The following ANKH variants were observed in gnomAD, a reference collection of about 807,000 sequenced individuals.
The protein encoded by ANKH is ANKH inorganic pyrophosphate transport regulator, also known as mineralization regulator ANKH.
ANKH carries 15 observed loss-of-function variants against 49.0 expected under a neutral mutation model. The ratio of observed to expected loss-of-function variants is 0.31; its 90% CI spans 0.20 to 0.47. The LOEUF (loss-of-function observed/expected upper bound fraction) is 0.47, where lower values mean the gene tolerates loss of function less well. Ranked by LOEUF, ANKH falls within the 20% of genes least tolerant of loss-of-function variation. The pLI is 1.00. For missense variants in ANKH, 429 were observed against 652.0 expected (o/e 0.66, Z 3.72); for synonymous variants, 273 against 260.0 (o/e 1.05, Z -0.48).
chr5:14,758,306 A>G (rs1315803033), intron 3 of ANKH, among the ~76,000 whole-genome samples, 174 bp downstream of exon 3: 1 of 152,212 alleles, frequency 6.6e-6, no homozygotes, highest in Non-Finnish European at 1.5e-5. Context: ...ATTAGGATAG[A>G]ATCTCAGTTT....
intron 1 of ANKH, among the ~76,000 whole-genome samples, chr5:14,808,902 T>C (rs13362490): frequency 0.063 from 6,440 of 102,004 alleles, 166 homozygotes; most frequent in African/African-American, 0.092. Context: ...TATTGCGGCA[T>C]TATTCACAAT....
intron 1 of ANKH, among the ~76,000 whole-genome samples, chr5:14,814,079 T>A (rs1260899984): frequency 1.3e-5 from 2 of 152,216 alleles, no homozygotes; most frequent in Non-Finnish European, 2.9e-5. Flanking sequence ...GATGCTAACA[T>A]CCTCGAGACA....
intron 8 of ANKH, among the ~76,000 whole-genome samples, chr5:14,736,006 CTTTTTTTTTTTTTTT>C (rs540010631): frequency 0.14 from 12,004 of 84,132 alleles, 963 homozygotes; most frequent in Middle Eastern, 0.2. Context: ...AAAAACCTAA[CTTTTTTTTTTTTTTT>C]TTTTTTTTTT....
intron 1 of ANKH, among the ~76,000 whole-genome samples, chr5:14,833,521 C>T (rs148447143): frequency 2.6e-5 from 4 of 152,218 alleles, no homozygotes; most frequent in Non-Finnish European, 4.4e-5. Flanking sequence ...GCTCCTCCCC[C>T]AGTCTGGGTA....
chr5:14,719,213 A>G (rs180931227), intron 8 of ANKH, among the ~76,000 whole-genome samples: 10 of 152,364 alleles, frequency 6.6e-5, no homozygotes, highest in East Asian at 5.8e-4. Flanking sequence ...ACAAGGAGCA[A>G]TAAGTTTTGA....
intron 1 of ANKH, among the ~76,000 whole-genome samples, chr5:14,835,625 GT>G (rs1741629907): frequency 1.3e-5 from 2 of 152,096 alleles, no homozygotes; most frequent in Admixed American, 1.3e-4. Flanking sequence ...CACTTTTCCT[GT>G]TTGTCTTTCT....
At chr5:14,733,222 G>A (rs1294406570) in intron 8 of ANKH, among the ~76,000 whole-genome samples, 3 of 152,186 alleles carry the variant, frequency 2.0e-5, no homozygotes, top group East Asian at 1.9e-4. Flanking sequence ...TCTTGGCAGC[G>A]CTTTGTGGTT....
In ANKH at chr5:14,716,992, C is replaced by A. The variant is rs114499196; in HGVS notation, c.1012-157G>T. 2.7e-3 allele frequency: 2,340 copies of A among 867,150 alleles called. 41 individuals carry two copies. The African/African-American group carries it at 0.034, about 13-fold the overall frequency. The allele number at this position is 867,150 out of a possible 1,614,324, so 53.7% of individuals were successfully genotyped here. A position where few individuals can be genotyped will look rare whatever the true frequency, so the allele number is the denominator to read the frequency against. On this transcript the variant is annotated intron_variant, in intron 8 of 11. Transcript: ENST00000284268. ...TGGTCCCAGATCTGCCACCTGCTTG[C>A]TTGACTCTCTTCTGACCACAGAGGC...
intron 2 of ANKH, among the ~76,000 whole-genome samples, chr5:14,762,315 C>T (rs912216594): frequency 5.9e-5 from 9 of 152,180 alleles, no homozygotes; most frequent in Non-Finnish European, 7.3e-5. Flanking sequence ...CTGGGGCGTT[C>T]GCCATCCATT....
intron 8 of ANKH, among the ~76,000 whole-genome samples, chr5:14,735,071 G>T (rs192000106): frequency 3.3e-4 from 50 of 152,304 alleles, no homozygotes; most frequent in African/African-American, 1.2e-3. Flanking sequence ...AGAAAAACAA[G>T]AAGCAAAGTA....
At chr5:14,774,893 T>C (rs965594765) in intron 1 of ANKH, among the ~76,000 whole-genome samples, 1 of 143,608 alleles carries the variant, frequency 7.0e-6, no homozygotes, top group Non-Finnish European at 1.5e-5. Context: ...ACAAATAGAA[T>C]AAACATTTAC....
chr5:14,709,846 G>A lies in ANKH; in HGVS notation c.*1351C>T, dbSNP rs771287493. ...ATTAGAGACATTTTATTGAAAATGC[G>A]AAAATAGGAAATGTATTATAGCCTA... On this transcript the variant is annotated 3_prime_UTR_variant, in exon 12 of 12. Transcript: ENST00000284268. 2 of 152,580 alleles carry A rather than the reference G, an allele frequency of 1.3e-5. No individual in the cohort carries two copies. The highest frequency in any genetic ancestry group is 2.9e-5 in the Non-Finnish European group (2 of 68,036). The allele number at this position is 152,580 out of a possible 1,614,324, so 9.5% of individuals were successfully genotyped here.
chr5:14,796,601 C>A (rs1740397977), intron 1 of ANKH, among the ~76,000 whole-genome samples: 1 of 151,912 alleles, frequency 6.6e-6, no homozygotes, highest in Non-Finnish European at 1.5e-5. Context: ...TTTGACTTAA[C>A]TGAAGAAACC....
chr5:14,719,434 G>A (rs1487343040), intron 8 of ANKH, among the ~76,000 whole-genome samples: 1 of 152,208 alleles, frequency 6.6e-6, no homozygotes, highest in East Asian at 1.9e-4. Context: ...AAAAGCCAGG[G>A]AAATCTCTGG....
intron 1 of ANKH, among the ~76,000 whole-genome samples, chr5:14,784,540 A>G (rs1336440068): frequency 2.6e-5 from 4 of 152,244 alleles, no homozygotes; most frequent in African/African-American, 9.6e-5. Context: ...CATTAAAAGA[A>G]GTGGTTATTT....
chr5:14,794,823 G>A (rs527610086), intron 1 of ANKH, among the ~76,000 whole-genome samples: 20 of 152,240 alleles, frequency 1.3e-4, no homozygotes, highest in Non-Finnish European at 2.6e-4. Context: ...GGGTTGCACT[G>A]AGTGCTGCAT....
chr5:14,707,376 C>T lies in ANKH; in HGVS notation c.*3821G>A, dbSNP rs777639537. On this transcript the variant is annotated 3_prime_UTR_variant, in exon 12 of 12. Coordinates refer to ENST00000284268, the MANE Select transcript of ANKH (RefSeq NM_054027.6). ...CAAGGATATAGAAAAGTTACTCTCCCCCTGCCCCTTCCCTCCAGAAGATCC... is the reference window on the plus strand; with the variant it reads ...CAAGGATATAGAAAAGTTACTCTCCTCCTGCCCCTTCCCTCCAGAAGATCC... 17 of 152,194 alleles carry T rather than the reference C, an allele frequency of 1.1e-4. No individual in the cohort carries two copies. Among genetic ancestry groups the T allele is most frequent in the Admixed American group, 2.0e-4 (3 of 15,284 alleles). The allele number at this position is 152,194 out of a possible 1,614,324, so 9.4% of individuals were successfully genotyped here. A position where few individuals can be genotyped will look rare whatever the true frequency, so the allele number is the denominator to read the frequency against.
At chr5:14,741,761 A>G (rs1411986374) in intron 8 of ANKH, 66 bp downstream of exon 8, 6 of 1,214,558 alleles carry the variant, frequency 4.9e-6, no homozygotes, top group Admixed American at 3.6e-5. Context: ...CCCCCTTTAA[A>G]ATAGCAACTT....
Position 14,806,859 on chromosome 5 carries a change from A to G in ANKH, c.97-37668T>C, listed in dbSNP as rs181960738. On this transcript the variant is annotated intron_variant, in intron 1 of 11. Transcript: ENST00000284268. ...ACACGGCATGCAGTGTCTGCCCTGG[A>G]GAATCTCTGCTTCAGAAAGCCCACT... 3.7e-3 allele frequency among the ~76,000 whole-genome samples: 563 copies of G among 152,340 alleles called. 2 individuals are homozygous for G. Among genetic ancestry groups the G allele is most frequent in the Admixed American group, 6.2e-3 (95 of 15,302 alleles).
Sources: allele counts gnomAD v4.1 joint callset (sites outside exome capture counted in the v4.1 genomes callset), GRCh38; gene constraint gnomAD v4.1.1; transcripts MANE v1.5; gene names NCBI Gene and HGNC (gene_info 2026-07-23, HGNC 2026-07-21).